AK1: variants seen among roughly 807,000 people sequenced by gnomAD.
AK1 encodes the protein adenylate kinase isoenzyme 1.
A neutral mutation model predicts 23.9 loss-of-function variants in AK1; 13 were observed. That is an observed-to-expected ratio of 0.54 (90% CI 0.35 to 0.86). The LOEUF (loss-of-function observed/expected upper bound fraction) is 0.86, where lower values mean the gene tolerates loss of function less well. Ranked by LOEUF, AK1 falls within the 40% of genes least tolerant of loss-of-function variation. The probability of loss-of-function intolerance (pLI) is 0.01; values close to 1 mark genes in which losing one functional copy is unlikely to be tolerated. For missense variants in AK1, 214 were observed against 255.1 expected, an observed-to-expected ratio of 0.84 and a Z score of 1.10; for synonymous variants, 97 against 102.8, an observed-to-expected ratio of 0.94 and a Z score of 0.34.
At chr9:127,872,667 T>C (rs750003169) in intron 4 of AK1, 23 bp downstream of exon 4, 38 of 1,613,420 alleles carry the variant, frequency 2.4e-5, no homozygotes, top group Admixed American at 2.2e-4. Context: ...CCCCTGCCTC[T>C]CACCCCACCA....
chr9:127,870,965 C>T (rs928378494), intron 5 of AK1, among the ~76,000 whole-genome samples: 3 of 151,698 alleles, frequency 2.0e-5, no homozygotes, highest in African/African-American at 7.3e-5. Context: ...CTTGTGACAC[C>T]GAGGTAAAAG....
chr9:127,874,793 C>A, intron 1 of AK1, 144 bp from the exon 2 acceptor site: 1 of 784,658 alleles, frequency 1.3e-6, no homozygotes, highest in Non-Finnish European at 2.1e-6. Flanking sequence ...GCAGGGAAGG[C>A]CCAGGACCCC....
chr9:127,875,182 G>A (rs530965855), intron 1 of AK1, among the ~76,000 whole-genome samples: 3 of 152,176 alleles, frequency 2.0e-5, no homozygotes, highest in East Asian at 1.9e-4. Flanking sequence ...TACAGGAGCC[G>A]CTCGCATGAA....
intron 1 of AK1, among the ~76,000 whole-genome samples, chr9:127,875,916 C>T (rs1488614926): frequency 6.6e-6 from 1 of 152,270 alleles, no homozygotes; most frequent in Non-Finnish European, 1.5e-5. Flanking sequence ...GCCTTGAAGC[C>T]TCCACACCCT....
Position 127,872,778 on chromosome 9 carries a change from C to A in AK1, c.119G>T (p.Gly40Val), listed in dbSNP as rs777818756. The A allele has an allele frequency of 1.9e-6, 3 of 1,614,118 alleles. No homozygotes were observed. The Admixed American group carries it at 5.0e-5, about 27-fold the overall frequency. The change falls in exon 4 of 7, where the codon GGG becomes GTG. Residue 40 changes from glycine to valine, a missense_variant. Physicochemically the swap from Gly to Val is moderately radical, Grantham distance 109 (BLOSUM62 -3). Coordinates refer to ENST00000644144, the MANE Select transcript of AK1 (RefSeq NM_000476.3). ...GCTGACCTCGGACCGCAGGAGGTCC[C>A]CGGTGGAGAGGTGGGTGTAGCCATA... ...QKYGYTHLST[G>V]DLLRSEVSSG...
At position 127,868,929 on chromosome 9, in the gene AK1, A is replaced by G. The variant is rs973033468; in HGVS notation, c.325-417T>C. On this transcript the variant is annotated intron_variant, in intron 5 of 6. Transcript: ENST00000644144. This position sits in a 1 kb window ranked among gnomAD's most constrained non-coding sequence, Gnocchi z 4.1. ...TCCTCAGGGCAGTCTCTCTGATGCC[A>G]CCCCCCGCCCCCCAGTACTCCCCGC... Among the ~76,000 whole-genome samples, 1 of 151,324 alleles carries G rather than the reference A, an allele frequency of 6.6e-6. No individual in the cohort carries two copies. Among genetic ancestry groups the G allele is most frequent in the Non-Finnish European group, 1.5e-5 (1 of 67,858 alleles).
chr9:127,875,043 A>C, intron 1 of AK1: 1 of 258,176 alleles, frequency 3.9e-6, no homozygotes. Context: ...CTGCCCAGAC[A>C]CCTTGACAAC....
At chr9:127,874,783 G>T in intron 1 of AK1, 134 bp from the exon 2 acceptor site, 1 of 888,936 alleles carries the variant, frequency 1.1e-6, no homozygotes, top group South Asian at 1.5e-5. Flanking sequence ...GCTGCTGGGG[G>T]CAGGGAAGGC....
rs869298613 is a variant in AK1 at position 127,867,007 on chromosome 9, CT to C, written c.*1000del. The C allele has an allele frequency of 0.067, 7,719 of 114,970 alleles. 160 individuals are homozygous for C. The highest frequency in any genetic ancestry group is 0.15 in the African/African-American group (3,939 of 26,814). 7.1% of individuals were successfully genotyped at this position (114,970 alleles called of 1,614,324 possible). ...GACCATGACTCCCCCAATTCAATTT[CT>C]TTTTTTTTTTTTTTTTTTTTGAGAC... On this transcript the variant is annotated 3_prime_UTR_variant, in exon 7 of 7. Transcript: ENST00000644144.
At chr9:127,873,570 A>G in intron 2 of AK1, 1 of 1,427,814 alleles carries the variant, frequency 7.0e-7, no homozygotes, top group Middle Eastern at 1.9e-4. Flanking sequence ...TGCCATGGAG[A>G]CAGTTGCCGG....
chr9:127,870,833 G>A (rs926931591), intron 5 of AK1, among the ~76,000 whole-genome samples: 2 of 93,290 alleles, frequency 2.1e-5, no homozygotes, highest in Non-Finnish European at 5.1e-5. Context: ...CATGGGAATG[G>A]GGCATGGGGA....
intron 1 of AK1, among the ~76,000 whole-genome samples, chr9:127,876,545 G>T (rs1829541496): frequency 6.6e-6 from 1 of 152,180 alleles, no homozygotes. Flanking sequence ...TGCTGAGTGT[G>T]CTTCAGCGGG....
intron 5 of AK1, among the ~76,000 whole-genome samples, chr9:127,870,807 GGGCA>G (rs1260107693): frequency 6.2e-5 from 1 of 16,260 alleles, no homozygotes; most frequent in Non-Finnish European, 2.5e-4. Flanking sequence ...TACGGAGACG[GGGCA>G]TGGGAATGGG....
rs372237345 is a variant in AK1 at position 127,871,829 on chromosome 9, C to T, written c.318G>A (p.Glu106=). 91 of 1,614,118 alleles carry T rather than the reference C, an allele frequency of 5.6e-5. 2 individuals carry two copies. In the Middle Eastern group the frequency reaches 1.3e-3, roughly 23 times the overall value. The change falls in exon 5 of 7, where the codon GAG becomes GAA. Residue 106 remains glutamate (E), a synonymous_variant. Transcript: ENST00000644144. This position sits in a 1 kb window ranked among gnomAD's most constrained non-coding sequence, Gnocchi z 4.4. ...PREVQQGEEF[E]RRIGQPTLLL... ...ACTTGGGTCAGTGCCTTACCCGTCG[C>T]TCAAACTCTTCTCCTTGCTGCACCT...
rs745471497 is a variant in AK1, at chr9:127,871,894, T to G, written c.253A>C (p.Asn85His). 2.5e-6 allele frequency: 4 copies of G among 1,613,996 alleles called. No individual in the cohort carries two copies. In the South Asian group the frequency reaches 4.4e-5, roughly 18 times the overall value. The change falls in exon 5 of 7, where the codon AAT becomes CAT. Residue 85 changes from asparagine (N) to histidine (H), a missense_variant. Physicochemically the swap from Asn to His is moderately conservative, Grantham distance 68. Coordinates refer to ENST00000644144, the MANE Select transcript of AK1 (RefSeq NM_000476.3). This position sits in a 1 kb window ranked among gnomAD's most constrained non-coding sequence, Gnocchi z 4.4. ...MLRDAMVAKV[N>H]TSKGFLIDGY... Reference sequence around the variant, plus strand: ...TCAATCAGGAAGCCTTTGGAAGTATTGACTTTGGCCACCATGGCATCCCGG... The same window carrying G: ...TCAATCAGGAAGCCTTTGGAAGTATGGACTTTGGCCACCATGGCATCCCGG...
At chr9:127,873,519 G>T in intron 2 of AK1, 1 of 1,443,328 alleles carries the variant, frequency 6.9e-7, no homozygotes, top group Non-Finnish European at 9.1e-7. Context: ...CCCATCACCC[G>T]CCTCCCCCGG....
In AK1 at chr9:127,872,793, G is replaced by T. The variant is rs775684067; in HGVS notation, c.104C>A (p.Thr35Asn). 1 of 1,614,092 alleles carries T rather than the reference G, an allele frequency of 6.2e-7. No homozygotes were observed. Residue 35 changes from threonine (T) to asparagine (N), a missense_variant, in exon 4 of 7, where the codon ACC becomes AAC. Physicochemically the swap from Thr to Asn is moderately conservative, Grantham distance 65 (BLOSUM62 0). Transcript: ENST00000644144. ...CEKIVQKYGY[T>N]HLSTGDLLRS... ...CAGGAGGTCCCCGGTGGAGAGGTGG[G>T]TGTAGCCATACTTCTGCACGATCTT...
intron 5 of AK1, among the ~76,000 whole-genome samples, chr9:127,870,655 T>C (rs887776333): frequency 2.0e-5 from 3 of 152,128 alleles, no homozygotes; most frequent in African/African-American, 7.2e-5. Context: ...CTAACCCCCA[T>C]TTCAGATAGG....
At position 127,871,484 on chromosome 9, in the gene AK1, G is replaced by A. The variant is rs527306893; in HGVS notation, c.324+339C>T. Among the ~76,000 whole-genome samples, 3 of 151,586 alleles carry A rather than the reference G, an allele frequency of 2.0e-5. No individual in the cohort carries two copies. In the East Asian group the frequency reaches 5.8e-4, roughly 29 times the overall value. ...GCACATCCTCTCCAGTCCCCACACT[G>A]TCCCTTAAGGCAGCTGTGACCTGGT... is the stretch of plus-strand genomic sequence containing the variant. On this transcript the variant is annotated intron_variant, in intron 5 of 6. Coordinates refer to ENST00000644144, the MANE Select transcript of AK1 (RefSeq NM_000476.3). The surrounding 1 kb of genome is among the most constrained non-coding windows in gnomAD (Gnocchi z 4.4).
Sources: allele counts gnomAD v4.1 joint callset (sites outside exome capture counted in the v4.1 genomes callset), GRCh38; gene constraint gnomAD v4.1.1; non-coding constraint Gnocchi (gnomAD v3.1); transcripts MANE v1.5; gene names NCBI Gene and HGNC (gene_info 2026-07-23, HGNC 2026-07-21).